Variants in MECOM observed in about 807,000 individuals in gnomAD.
MECOM encodes histone-lysine N-methyltransferase MECOM.
A neutral mutation model predicts 116.3 loss-of-function variants in MECOM; 13 were observed. The observed-to-expected ratio is 0.11, with a 90% CI of 0.07 to 0.18. The LOEUF is 0.18. Among genes scored for constraint, MECOM ranks in the 10% least tolerant of loss-of-function variants. The pLI is 1.00. For missense variants in MECOM, 1,299 were observed against 1,509.0 expected (o/e 0.86, Z 2.31); for synonymous variants, 528 against 535.2 (o/e 0.99, Z 0.19).
Position 169,168,107 on chromosome 3 carries a change from G to A in MECOM, c.376-24275C>T, listed in dbSNP as rs114457532. ...TTTTTTAGAAGAAATTTTAAAACTA[G>A]TTTTAGACTTTTCATAATCAGTTTT... On this transcript the variant is annotated intron_variant, in intron 2 of 16. Transcript: ENST00000651503. 8.2e-3 allele frequency among the ~76,000 whole-genome samples: 1,254 copies of A among 152,246 alleles called. 8 individuals are homozygous for A. Among genetic ancestry groups the A allele is most frequent in the South Asian group, 0.021 (100 of 4,814 alleles).
chr3:169,528,040 T>A (rs1758163655), intron 1 of MECOM, among the ~76,000 whole-genome samples: 1 of 152,232 alleles, frequency 6.6e-6, no homozygotes, highest in Non-Finnish European at 1.5e-5. Context: ...GTGCCATGAT[T>A]TGCTGACTCC....
intron 2 of MECOM, among the ~76,000 whole-genome samples, chr3:169,311,996 T>A (rs10936576): frequency 6.6e-6 from 1 of 151,944 alleles, no homozygotes; most frequent in Non-Finnish European, 1.5e-5. Flanking sequence ...CAGGAGTAGG[T>A]GGTAGGAGAT....
chr3:169,109,690 A>G (rs1466445786), intron 9 of MECOM, among the ~76,000 whole-genome samples: 1 of 152,228 alleles, frequency 6.6e-6, no homozygotes, highest in Non-Finnish European at 1.5e-5. Context: ...TGCTGGGATT[A>G]CAGGCATGAG....
chr3:169,377,502 G>A (rs1330280680), intron 2 of MECOM, among the ~76,000 whole-genome samples: 1 of 152,150 alleles, frequency 6.6e-6, no homozygotes, highest in Non-Finnish European at 1.5e-5. Flanking sequence ...CCATCAAAAA[G>A]TGGGCAAAGG....
At chr3:169,312,275 A>G (rs1047790561) in intron 2 of MECOM, among the ~76,000 whole-genome samples, 1 of 152,160 alleles carries the variant, frequency 6.6e-6, no homozygotes, top group Admixed American at 6.5e-5. Context: ...GAAGCAGATG[A>G]CAACTATATT....
At chr3:169,402,549 A>T (rs1278714017) in intron 1 of MECOM, among the ~76,000 whole-genome samples, 2 of 152,174 alleles carry the variant, frequency 1.3e-5, no homozygotes, top group Admixed American at 6.5e-5. Context: ...CCAGCTACTC[A>T]GGAAGCTGAG....
At chr3:169,625,913 C>T (rs1771312962) in intron 1 of MECOM, among the ~76,000 whole-genome samples, 1 of 152,202 alleles carries the variant, frequency 6.6e-6, no homozygotes, top group Admixed American at 6.5e-5. Flanking sequence ...AGACCCAACT[C>T]AGATTTATTA....
intron 1 of MECOM, among the ~76,000 whole-genome samples, chr3:169,492,821 G>A (rs1365654744): frequency 6.6e-6 from 1 of 152,078 alleles, no homozygotes; most frequent in Admixed American, 6.5e-5. Flanking sequence ...TTAGCCAGGC[G>A]TGGTGGTGAG....
chr3:169,293,687 T>C (rs1715044160), intron 2 of MECOM, among the ~76,000 whole-genome samples: 1 of 152,214 alleles, frequency 6.6e-6, no homozygotes, highest in Non-Finnish European at 1.5e-5. Flanking sequence ...ATATAGTTAT[T>C]TGTTTCTGTA....
At chr3:169,405,064 G>A (rs1736480679) in intron 1 of MECOM, among the ~76,000 whole-genome samples, 1 of 152,288 alleles carries the variant, frequency 6.6e-6, no homozygotes, top group Admixed American at 6.5e-5. Context: ...GGCCACTCTG[G>A]CTTCTCCCAG....
At chr3:169,456,779 A>G (rs1486602077) in intron 1 of MECOM, among the ~76,000 whole-genome samples, 5 of 152,214 alleles carry the variant, frequency 3.3e-5, no homozygotes, top group African/African-American at 1.2e-4. Context: ...TGTACCCACC[A>G]TAATACTACG....
intron 2 of MECOM, among the ~76,000 whole-genome samples, chr3:169,211,652 G>T (rs1404776729): frequency 6.6e-6 from 1 of 152,020 alleles, no homozygotes; most frequent in Non-Finnish European, 1.5e-5. Context: ...TTCTCTCAGG[G>T]TTGTAGTTTC....
In MECOM at chr3:169,543,637, T is replaced by A. The variant is rs115512005; in HGVS notation, c.37+119699A>T. On this transcript the variant is annotated intron_variant, in intron 1 of 16. Coordinates refer to ENST00000651503, the MANE Select transcript of MECOM (RefSeq NM_004991.4). ...AAGTAATTCCAGACAAATAATAAAA[T>A]CAAAACACAATTCTAACATGATAAA... 5.8e-3 allele frequency among the ~76,000 whole-genome samples: 890 copies of A among 152,218 alleles called. 14 individuals carry two copies. Among genetic ancestry groups the A allele is most frequent in the African/African-American group, 0.021 (865 of 41,532 alleles).
chr3:169,464,994 C>T (rs1000544625), intron 1 of MECOM, among the ~76,000 whole-genome samples: 1 of 151,992 alleles, frequency 6.6e-6, no homozygotes, highest in Non-Finnish European at 1.5e-5. Context: ...CTCAATTCAC[C>T]TCTTTTTTAT....
intron 2 of MECOM, among the ~76,000 whole-genome samples, chr3:169,252,773 G>A (rs1267605532): frequency 1.3e-5 from 2 of 152,118 alleles, no homozygotes; most frequent in East Asian, 3.9e-4. Context: ...GTTTTAGAAA[G>A]GCAAAGCCCC....
chr3:169,121,939 A>G (rs1731178916), intron 6 of MECOM, among the ~76,000 whole-genome samples: 1 of 152,184 alleles, frequency 6.6e-6, no homozygotes, highest in South Asian at 2.1e-4. Context: ...GTGTTTTGGA[A>G]ATAGAAAGCA....
At chr3:169,413,698 T>G (rs1738003879) in intron 1 of MECOM, among the ~76,000 whole-genome samples, 1 of 151,978 alleles carries the variant, frequency 6.6e-6, no homozygotes, top group Admixed American at 6.6e-5. Flanking sequence ...CCAGCTTGGT[T>G]GGGGGAGGGA....
At chr3:169,223,689 TTATAC>T (rs1251295124) in intron 2 of MECOM, among the ~76,000 whole-genome samples, 1 of 152,180 alleles carries the variant, frequency 6.6e-6, no homozygotes, top group Non-Finnish European at 1.5e-5. Flanking sequence ...AGAATTACAG[TTATAC>T]TATAATAGAA....
chr3:169,308,312 G>A (rs1027423606), intron 2 of MECOM, among the ~76,000 whole-genome samples: 1 of 152,100 alleles, frequency 6.6e-6, no homozygotes, highest in African/African-American at 2.4e-5. Flanking sequence ...TGTAAACATT[G>A]GGAATGTAAT....
Sources: gnomAD v4.1 joint callset for allele counts (sites outside exome capture counted in the v4.1 genomes callset) on GRCh38, gnomAD v4.1.1 for gene constraint, MANE v1.5 for transcripts, NCBI Gene and HGNC (gene_info 2026-07-23, HGNC 2026-07-21) for gene names.